The following IMPG2 variants were observed in gnomAD, a reference collection of about 807,000 sequenced individuals.
IMPG2 encodes the protein IPM 200.
A neutral mutation model predicts 129.2 loss-of-function variants in IMPG2; 91 were observed. That is an observed-to-expected ratio of 0.70 (90% confidence interval 0.59 to 0.84). The LOEUF (loss-of-function observed/expected upper bound fraction) is 0.84. Among genes scored for constraint, IMPG2 ranks in the 40% least tolerant of loss-of-function variants. IMPG2 has a pLI of 0.00. For synonymous variants in IMPG2, 510 were observed against 517.7 expected, an observed-to-expected ratio of 0.99 and a Z score of 0.20; for missense variants, 1,430 against 1,461.7, an observed-to-expected ratio of 0.98 and a Z score of 0.35.
chr3:101,273,608 C>T lies in IMPG2; in HGVS notation c.801G>A (p.Gln267=). Residue 267 remains glutamine (Q), a synonymous_variant, in exon 7 of 19, where the codon CAG becomes CAA. Coordinates refer to ENST00000193391, the MANE Select transcript of IMPG2 (RefSeq NM_016247.4). The stretch of plus-strand genomic sequence containing the variant: ...CTGAAATAAATTCTTCTTCAAGGTG[C>T]TGGTGGTGAAAGCTGGAGGAATCCT... ...ELQDSSSFHH[Q]HLEEEFISEV... is the part of the protein sequence containing the mutation. 3 of 1,613,966 alleles carry T rather than the reference C, an allele frequency of 1.9e-6. No homozygotes were observed. The South Asian group carries it at 3.3e-5, about 18-fold the overall frequency.
At chr3:101,287,457 G>A (rs1451574046) in intron 4 of IMPG2, among the ~76,000 whole-genome samples, 1 of 152,146 alleles carries the variant, frequency 6.6e-6, no homozygotes, top group East Asian at 1.9e-4. Context: ...AAAGAACAAA[G>A]CCAGAGGCAT....
chr3:101,311,371 G>A (rs1283548151), intron 2 of IMPG2, among the ~76,000 whole-genome samples: 1 of 151,986 alleles, frequency 6.6e-6, no homozygotes, highest in Non-Finnish European at 1.5e-5. Flanking sequence ...GTTCAGCAGG[G>A]TTGCAGGATA....
chr3:101,267,375 C>G (rs554387357), intron 9 of IMPG2, 136 bp downstream of exon 9: 1 of 780,264 alleles, frequency 1.3e-6, no homozygotes, highest in African/African-American at 1.7e-5. Context: ...TTTGACAAAC[C>G]CTGATCTGAA....
At chr3:101,312,064 G>A (rs531636863) in intron 2 of IMPG2, among the ~76,000 whole-genome samples, 4 of 151,618 alleles carry the variant, frequency 2.6e-5, no homozygotes, top group African/African-American at 7.3e-5. Context: ...AAACTTAAAC[G>A]TACACACCAA....
chr3:101,255,084 C>T (rs1455138141), intron 10 of IMPG2, among the ~76,000 whole-genome samples: 1 of 152,092 alleles, frequency 6.6e-6, no homozygotes, highest in Non-Finnish European at 1.5e-5. Context: ...GCCTGTGGAA[C>T]TGTAAGTCAA....
At chr3:101,229,313 A>AC in intron 17 of IMPG2, 67 bp downstream of exon 17, 3 of 401,336 alleles carry the variant, frequency 7.5e-6, no homozygotes, top group Non-Finnish European at 4.8e-6. Context: ...CCCACCCACC[A>AC]CCCCCTGCTC....
At chr3:101,249,663 G>A (rs545058837) in intron 11 of IMPG2, among the ~76,000 whole-genome samples, 88 of 151,866 alleles carry the variant, frequency 5.8e-4, no homozygotes, top group Admixed American at 8.5e-4. Flanking sequence ...GAGAGAAAAA[G>A]CAAGACATCT....
chr3:101,234,013 G>A (rs1386975669), intron 14 of IMPG2, among the ~76,000 whole-genome samples: 3 of 151,702 alleles, frequency 2.0e-5, no homozygotes, highest in African/African-American at 4.8e-5. Context: ...TTGGAGTTTG[G>A]AGATCACTGA....
At chr3:101,246,397 G>A (rs919549841) in intron 11 of IMPG2, among the ~76,000 whole-genome samples, 8 of 151,712 alleles carry the variant, frequency 5.3e-5, no homozygotes, top group African/African-American at 1.9e-4. Context: ...AATTTTTTTT[G>A]CTTTAGATGG....
intron 11 of IMPG2, among the ~76,000 whole-genome samples, chr3:101,252,347 T>C (rs1360445489): frequency 1.3e-5 from 2 of 152,198 alleles, no homozygotes; most frequent in African/African-American, 4.8e-5. Flanking sequence ...CAAATTCTCA[T>C]CTTTACAATA....
intron 2 of IMPG2, among the ~76,000 whole-genome samples, chr3:101,308,482 G>T (rs1488821761): frequency 2.0e-5 from 3 of 152,226 alleles, no homozygotes; most frequent in African/African-American, 7.2e-5. Context: ...CCAAGGCCTG[G>T]GGCTTGCACC....
intron 8 of IMPG2, among the ~76,000 whole-genome samples, chr3:101,267,858 C>CT (rs3841955): frequency 0.63 from 95,773 of 151,952 alleles, 30,501 homozygotes; most frequent in Admixed American, 0.69. Context: ...TGGGAACCTT[C>CT]TTTTTTGGGA....
At chr3:101,229,313 A>ACCCC in intron 17 of IMPG2, 67 bp downstream of exon 17, 1 of 401,344 alleles carries the variant, frequency 2.5e-6, no homozygotes, top group South Asian at 1.9e-5. Context: ...CCCACCCACC[A>ACCCC]CCCCCTGCTC....
intron 6 of IMPG2, among the ~76,000 whole-genome samples, chr3:101,274,129 G>A (rs1020510611): frequency 1.3e-4 from 20 of 152,186 alleles, no homozygotes; most frequent in Admixed American, 5.9e-4. Context: ...GGAGGCGGAG[G>A]TTTTAGTGAG....
intron 11 of IMPG2, among the ~76,000 whole-genome samples, chr3:101,251,568 T>C (rs76565983): frequency 0.05 from 7,652 of 152,230 alleles, 274 homozygotes; most frequent in Non-Finnish European, 0.073. Context: ...CTTTATTATA[T>C]TGGCCAGTTT....
intron 2 of IMPG2, among the ~76,000 whole-genome samples, chr3:101,317,456 A>G (rs1451309929): frequency 6.6e-6 from 1 of 152,172 alleles, no homozygotes; most frequent in Non-Finnish European, 1.5e-5. Flanking sequence ...AGACTGAATT[A>G]GCTTGGTAGA....
intron 9 of IMPG2, among the ~76,000 whole-genome samples, chr3:101,259,764 T>C (rs1212488937): frequency 6.6e-6 from 1 of 152,066 alleles, no homozygotes; most frequent in Non-Finnish European, 1.5e-5. Context: ...CCTTGTGAAA[T>C]AGATCCCTAG....
At position 101,273,675 on chromosome 3, in the gene IMPG2, A is replaced by G. The variant is rs1706811622; in HGVS notation, c.734T>C (p.Phe245Ser). Reference sequence around the variant, plus strand: ...CTGCTTCCCCAAAAGGTGGATACTGAATTCTGCAATCTGTTCACCTGCTGG... The same window carrying G: ...CTGCTTCCCCAAAAGGTGGATACTGGATTCTGCAATCTGTTCACCTGCTGG... The part of the protein sequence containing the change: ...TKPAGEQIAE[F>S]SIHLLGKQYR... Residue 245 changes from phenylalanine to serine, a missense_variant, in exon 7 of 19, where the codon TTC (phenylalanine) becomes TCC (serine). By Grantham distance (155) the Phe-to-Ser change is radical. Transcript: ENST00000193391. 6.2e-7 allele frequency: 1 copy of G among 1,613,982 alleles called. No individual in the cohort carries two copies. The highest frequency in any genetic ancestry group is 8.5e-7 in the Non-Finnish European group (1 of 1,179,990).
chr3:101,239,081 A>C (rs1425416967), intron 14 of IMPG2, among the ~76,000 whole-genome samples: 4 of 152,232 alleles, frequency 2.6e-5, no homozygotes, highest in Non-Finnish European at 4.4e-5. Flanking sequence ...CAAAATCGAT[A>C]AATGGGATAT....
Sources: allele counts gnomAD v4.1 joint callset (sites outside exome capture counted in the v4.1 genomes callset), GRCh38; gene constraint gnomAD v4.1.1; transcripts MANE v1.5; gene names NCBI Gene and HGNC (gene_info 2026-07-23, HGNC 2026-07-21).